PPP1R16B: variants seen among roughly 807,000 people sequenced by gnomAD.
PPP1R16B encodes protein phosphatase 1 regulatory inhibitor subunit 16B.
A neutral mutation model predicts 61.7 loss-of-function variants in PPP1R16B; 14 were observed. The observed-to-expected ratio is 0.23, with a 90% CI of 0.15 to 0.35. PPP1R16B has a LOEUF of 0.35. PPP1R16B is among the 10% of genes least tolerant of loss of function. The pLI is 1.00. For missense variants in PPP1R16B, 547 were observed against 752.5 expected, an observed-to-expected ratio of 0.73 and a Z score of 3.19; for synonymous variants, 266 against 305.3, an observed-to-expected ratio of 0.87 and a Z score of 1.34.
chr20:38,897,065 G>A (rs1437922594), intron 4 of PPP1R16B, among the ~76,000 whole-genome samples: 1 of 152,230 alleles, frequency 6.6e-6, no homozygotes. Context: ...AGAATCGCTT[G>A]AACCCAGGAG....
rs2085581660 is a variant in PPP1R16B at position 38,920,107 on chromosome 20, C to T, written c.*1441C>T. On this transcript the variant is annotated 3_prime_UTR_variant, in exon 11 of 11. Coordinates refer to ENST00000299824, the MANE Select transcript of PPP1R16B (RefSeq NM_015568.4). The stretch of plus-strand genomic sequence containing the variant: ...GGGCTAGAGTTGGGTCTTGCCCAGC[C>T]CTGCAGTTTCATAGTCCCAGCCTTC... 2 of 152,512 alleles carry T rather than the reference C, an allele frequency of 1.3e-5. No individual in the cohort carries two copies. The highest frequency in any genetic ancestry group is 2.9e-5 in the Non-Finnish European group (2 of 68,096). 9.4% of individuals were successfully genotyped at this position (152,512 alleles called of 1,614,324 possible).
chr20:38,817,496 C>G (rs186640174), intron 1 of PPP1R16B, among the ~76,000 whole-genome samples: 1 of 148,372 alleles, frequency 6.7e-6, no homozygotes. Flanking sequence ...ACCTGGGAGC[C>G]GGAAGCTGTA....
intron 1 of PPP1R16B, among the ~76,000 whole-genome samples, chr20:38,819,572 T>C (rs1372033960): frequency 6.6e-6 from 1 of 152,194 alleles, no homozygotes; most frequent in Non-Finnish European, 1.5e-5. Context: ...GCGCTACTAG[T>C]GTTCTACCAA....
At chr20:38,904,473 A>G (rs1252235357) in intron 6 of PPP1R16B, among the ~76,000 whole-genome samples, 1 of 152,232 alleles carries the variant, frequency 6.6e-6, no homozygotes, top group African/African-American at 2.4e-5. Context: ...GATGTTAGCA[A>G]TGACCATTAT....
chr20:38,832,388 G>C (rs1404909065), intron 1 of PPP1R16B, among the ~76,000 whole-genome samples: 1 of 152,218 alleles, frequency 6.6e-6, no homozygotes, highest in African/African-American at 2.4e-5. Flanking sequence ...AAATAAACTT[G>C]TGATCTGCTA....
intron 1 of PPP1R16B, among the ~76,000 whole-genome samples, chr20:38,818,855 T>G (rs1441238818): frequency 1.3e-5 from 2 of 151,860 alleles, no homozygotes; most frequent in African/African-American, 4.8e-5. Flanking sequence ...GACAGTTCAC[T>G]GCAGCCTCAA....
At chr20:38,904,093 A>G (rs540188239) in intron 6 of PPP1R16B, among the ~76,000 whole-genome samples, 11 of 152,154 alleles carry the variant, frequency 7.2e-5, no homozygotes, top group African/African-American at 2.6e-4. Context: ...GAGCTCTCAC[A>G]TCTGTTTTAT....
At chr20:38,842,810 GTTTCT>G (rs2084916209) in intron 2 of PPP1R16B, among the ~76,000 whole-genome samples, 1 of 135,280 alleles carries the variant, frequency 7.4e-6, no homozygotes, top group South Asian at 2.5e-4. Context: ...AAAAAGGGAA[GTTTCT>G]TTTCTTCTAA....
chr20:38,920,117 C>A lies in PPP1R16B; in HGVS notation c.*1451C>A, dbSNP rs2085581833. 6.6e-6 allele frequency: 1 copy of A among 152,616 alleles called. No homozygotes were observed. Among genetic ancestry groups the A allele is most frequent in the South Asian group, 2.1e-4 (1 of 4,832 alleles). The allele number at this position is 152,616 out of a possible 1,614,324, so 9.5% of individuals were successfully genotyped here. ...TGGGTCTTGCCCAGCCCTGCAGTTTCATAGTCCCAGCCTTCCTGGTGCTGG... is the reference window on the plus strand; with the variant it reads ...TGGGTCTTGCCCAGCCCTGCAGTTTAATAGTCCCAGCCTTCCTGGTGCTGG... On this transcript the variant is annotated 3_prime_UTR_variant, in exon 11 of 11. Coordinates refer to ENST00000299824, the MANE Select transcript of PPP1R16B (RefSeq NM_015568.4).
At chr20:38,875,678 G>T (rs544768567) in intron 2 of PPP1R16B, among the ~76,000 whole-genome samples, 2 of 152,230 alleles carry the variant, frequency 1.3e-5, no homozygotes, top group Non-Finnish European at 1.5e-5. Flanking sequence ...CACCATGCAG[G>T]TTTCAGAAGG....
chr20:38,813,764 C>CATTATTATT (rs1491391416), intron 1 of PPP1R16B, among the ~76,000 whole-genome samples: 3 of 132,772 alleles, frequency 2.3e-5, no homozygotes, highest in Admixed American at 7.9e-5. Context: ...TCATCATCAT[C>CATTATTATT]ATCATTATTA....
At position 38,877,335 on chromosome 20, in the gene PPP1R16B, G is replaced by A. The variant is rs184834906; in HGVS notation, c.251-12260G>A. Among the ~76,000 whole-genome samples the A allele has an allele frequency of 1.4e-3, 214 of 150,582 alleles. 1 individual carries two copies. The Middle Eastern group carries it at 0.027, about 19-fold the overall frequency. On this transcript the variant is annotated intron_variant, in intron 2 of 10. Transcript: ENST00000299824. The stretch of plus-strand genomic sequence containing the variant: ...AACTTTTTTTTTTTTTTGAGTTGGA[G>A]TCTCGCTCTTGTTGCCCACGCTGGA...
At chr20:38,876,972 C>T (rs1198723138) in intron 2 of PPP1R16B, among the ~76,000 whole-genome samples, 2 of 151,888 alleles carry the variant, frequency 1.3e-5, no homozygotes, top group Non-Finnish European at 2.9e-5. Context: ...GCATTTTTTT[C>T]CTTTCCAGTT....
At chr20:38,874,851 A>C (rs2085155262) in intron 2 of PPP1R16B, among the ~76,000 whole-genome samples, 1 of 152,132 alleles carries the variant, frequency 6.6e-6, no homozygotes, top group South Asian at 2.1e-4. Flanking sequence ...AATTAAACTC[A>C]CTGTGCCTCA....
At chr20:38,852,768 T>TTTTTGGGG (rs1601257219) in intron 2 of PPP1R16B, among the ~76,000 whole-genome samples, 3 of 62,382 alleles carry the variant, frequency 4.8e-5, no homozygotes, top group Non-Finnish European at 8.9e-5. Context: ...TTTTTTTTTT[T>TTTTTGGGG]GCGGGGGGTG....
chr20:38,814,787 A>C (rs1165811060), intron 1 of PPP1R16B, among the ~76,000 whole-genome samples: 3 of 152,180 alleles, frequency 2.0e-5, no homozygotes, highest in African/African-American at 7.2e-5. Context: ...AGAATGTCTT[A>C]GTTCAGACTC....
chr20:38,862,056 A>T (rs2085055585), intron 2 of PPP1R16B, among the ~76,000 whole-genome samples: 1 of 152,166 alleles, frequency 6.6e-6, no homozygotes, highest in African/African-American at 2.4e-5. Flanking sequence ...GTCTCCTTGG[A>T]GGAGAGGCCC....
intron 10 of PPP1R16B, among the ~76,000 whole-genome samples, chr20:38,913,541 G>A (rs1397440315): frequency 2.0e-5 from 3 of 152,200 alleles, no homozygotes; most frequent in East Asian, 1.9e-4. Flanking sequence ...GATTACGGGC[G>A]TGAGCCACCA....
intron 2 of PPP1R16B, among the ~76,000 whole-genome samples, chr20:38,845,402 G>GT (rs1443793082): frequency 1.3e-5 from 2 of 152,150 alleles, no homozygotes; most frequent in Non-Finnish European, 2.9e-5. Context: ...AGCTGTGATG[G>GT]TGCCACTATA....
Sources: gnomAD v4.1 joint callset for allele counts (sites outside exome capture counted in the v4.1 genomes callset) on GRCh38, gnomAD v4.1.1 for gene constraint, MANE v1.5 for transcripts, NCBI Gene and HGNC (gene_info 2026-07-23, HGNC 2026-07-21) for gene names.